The following CCDC85C variants were observed in gnomAD, a reference collection of about 807,000 sequenced individuals.
CCDC85C encodes the protein coiled-coil domain-containing protein 85C.
In CCDC85C, 18 loss-of-function variants were observed where a neutral mutation model predicts 38.3. The ratio of observed to expected loss-of-function variants is 0.47; its 90% confidence interval spans 0.33 to 0.70. CCDC85C has a LOEUF of 0.70. Ranked by LOEUF, CCDC85C falls within the 30% of genes least tolerant of loss-of-function variation. The pLI, the probability that CCDC85C is intolerant of heterozygous loss-of-function variation, is 0.03. For synonymous variants in CCDC85C, 264 were observed against 293.8 expected (o/e 0.90, Z 1.04); for missense variants, 566 against 621.2 (o/e 0.91, Z 0.94).
Position 99,502,698 on chromosome 14 carries a change from T to A in CCDC85C, c.*12548A>T. On this transcript the variant is annotated 3_prime_UTR_variant, in exon 6 of 6. Transcript: ENST00000380243. ...TTAAAATACCAATTTGTGTAAAATG[T>A]AATTGTTGGCTATCATTTAGACATC... 1 of 1,606,240 alleles carries A rather than the reference T, an allele frequency of 6.2e-7. No individual in the cohort carries two copies. Among genetic ancestry groups the A allele is most frequent in the Non-Finnish European group, 8.5e-7 (1 of 1,173,052 alleles).
chr14:99,592,547 G>C (rs866269253), intron 1 of CCDC85C, among the ~76,000 whole-genome samples: 2 of 152,208 alleles, frequency 1.3e-5, no homozygotes, highest in African/African-American at 4.8e-5. Flanking sequence ...CATTCTGGAA[G>C]ACAATCCCAG....
At chr14:99,574,349 T>C (rs1227794158) in intron 1 of CCDC85C, among the ~76,000 whole-genome samples, 2 of 152,032 alleles carry the variant, frequency 1.3e-5, no homozygotes, top group East Asian at 3.9e-4. Flanking sequence ...CCTTCCTGGA[T>C]TGGAAGACAC....
Position 99,509,196 on chromosome 14 carries a change from T to A in CCDC85C, c.*6050A>T, listed in dbSNP as rs1897050659. 1.3e-5 allele frequency: 2 copies of A among 152,286 alleles called. No individual in the cohort carries two copies. The highest frequency in any genetic ancestry group is 2.1e-4 in the South Asian group (1 of 4,830). 9.4% of individuals were successfully genotyped at this position (152,286 alleles called of 1,614,324 possible). ...AACCAGAAGCATCTTCGTGGCTTTG[T>A]CCTCTCTATGTTCTCTGGAACCAGA... is the stretch of plus-strand genomic sequence containing the variant. On this transcript the variant is annotated 3_prime_UTR_variant, in exon 6 of 6. Transcript: ENST00000380243.
rs1227456180 is a variant in CCDC85C at position 99,548,901 on chromosome 14, G to A, written c.794-12813C>T. Among the ~76,000 whole-genome samples, 2 of 152,198 alleles carry A rather than the reference G, an allele frequency of 1.3e-5. No homozygotes were observed. Among genetic ancestry groups the A allele is most frequent in the East Asian group, 1.9e-4 (1 of 5,192 alleles). On this transcript the variant is annotated intron_variant, in intron 1 of 5. Coordinates refer to ENST00000380243, the MANE Select transcript of CCDC85C (RefSeq NM_001144995.2). This position sits in a 1 kb window ranked among gnomAD's most constrained non-coding sequence, Gnocchi z 4.9. Reference sequence around the variant, plus strand: ...CAAGTCACTGAGGGACACACAGTGCGATGCCATTTCTACAAAGTCTGAAAA... The same window carrying A: ...CAAGTCACTGAGGGACACACAGTGCAATGCCATTTCTACAAAGTCTGAAAA...
At position 99,548,336 on chromosome 14, in the gene CCDC85C, C is replaced by G. The variant is rs1175677557; in HGVS notation, c.794-12248G>C. 6.6e-6 allele frequency among the ~76,000 whole-genome samples: 1 copy of G among 152,138 alleles called. No individual in the cohort carries two copies. The highest frequency in any genetic ancestry group is 1.5e-5 in the Non-Finnish European group (1 of 68,020). Reference sequence around the variant, plus strand: ...AACCGCAGGTGTCATCAAGGAAACCCAATTCCGACAATGAGATGCCACTGG... The same window carrying G: ...AACCGCAGGTGTCATCAAGGAAACCGAATTCCGACAATGAGATGCCACTGG... On this transcript the variant is annotated intron_variant, in intron 1 of 5. Coordinates refer to ENST00000380243, the MANE Select transcript of CCDC85C (RefSeq NM_001144995.2). This position sits in a 1 kb window ranked among gnomAD's most constrained non-coding sequence, Gnocchi z 4.9.
At chr14:99,526,562 C>T (rs1897388239) in intron 2 of CCDC85C, among the ~76,000 whole-genome samples, 1 of 152,056 alleles carries the variant, frequency 6.6e-6, no homozygotes, top group Non-Finnish European at 1.5e-5. Flanking sequence ...CAGTGACCAC[C>T]CCGTCCCCAA....
At chr14:99,591,896 A>G (rs1170314100) in intron 1 of CCDC85C, among the ~76,000 whole-genome samples, 1 of 152,024 alleles carries the variant, frequency 6.6e-6, no homozygotes, top group African/African-American at 2.4e-5. Context: ...CACCATGCCC[A>G]GCTAATTTTG....
At chr14:99,518,996 C>T (rs1897267858) in intron 3 of CCDC85C, among the ~76,000 whole-genome samples, 1 of 151,976 alleles carries the variant, frequency 6.6e-6, no homozygotes. Flanking sequence ...TCGGGCCACA[C>T]ACACCTCCCA....
chr14:99,518,724 C>A (rs1349555362), intron 3 of CCDC85C, among the ~76,000 whole-genome samples: 1 of 152,058 alleles, frequency 6.6e-6, no homozygotes, highest in African/African-American at 2.4e-5. Flanking sequence ...CTGCACCAGG[C>A]CCCTGGGCTG....
At chr14:99,562,224 C>T (rs987510249) in intron 1 of CCDC85C, among the ~76,000 whole-genome samples, 1 of 152,182 alleles carries the variant, frequency 6.6e-6, no homozygotes. Flanking sequence ...CCTATGCAAA[C>T]CCCCTGGCTA....
intron 1 of CCDC85C, among the ~76,000 whole-genome samples, chr14:99,541,002 T>A (rs1266986234): frequency 6.6e-6 from 1 of 152,072 alleles, no homozygotes; most frequent in Non-Finnish European, 1.5e-5. Context: ...CCTGGCCTGG[T>A]TTTCACACTG....
intron 1 of CCDC85C, among the ~76,000 whole-genome samples, chr14:99,579,060 T>C (rs897782413): frequency 6.6e-6 from 1 of 152,204 alleles, no homozygotes; most frequent in Non-Finnish European, 1.5e-5. Context: ...GTGAGGAAAC[T>C]GAGGCACAGA....
At chr14:99,598,644 C>T (rs142586157) in intron 1 of CCDC85C, among the ~76,000 whole-genome samples, 12 of 152,324 alleles carry the variant, frequency 7.9e-5, no homozygotes, top group African/African-American at 2.9e-4. Context: ...TCCCCTGGAA[C>T]TCTCTGGGCA....
chr14:99,563,866 C>T (rs564858219), intron 1 of CCDC85C, among the ~76,000 whole-genome samples: 76 of 152,286 alleles, frequency 5.0e-4, no homozygotes, highest in Non-Finnish European at 7.8e-4. Flanking sequence ...CCTCTGAGCA[C>T]GGCCTCCAGG....
chr14:99,557,849 A>G (rs1351002184), intron 1 of CCDC85C, among the ~76,000 whole-genome samples: 1 of 152,200 alleles, frequency 6.6e-6, no homozygotes, highest in Non-Finnish European at 1.5e-5. Context: ...CAGGAGGCAG[A>G]GGTTGCAGTG....
chr14:99,545,935 C>T lies in CCDC85C; in HGVS notation c.794-9847G>A, dbSNP rs1897797779. On this transcript the variant is annotated intron_variant, in intron 1 of 5. Transcript: ENST00000380243. The surrounding 1 kb of genome is among the most constrained non-coding windows in gnomAD (Gnocchi z 4.7). ...CAATCATCCAACTCCCAGCCTCCAA[C>T]TCCGAGGGACCCTTTACCCTCCTGC... 6.6e-6 allele frequency among the ~76,000 whole-genome samples: 1 copy of T among 152,106 alleles called. No homozygotes were observed. The highest frequency in any genetic ancestry group is 6.5e-5 in the Admixed American group (1 of 15,272).
intron 1 of CCDC85C, among the ~76,000 whole-genome samples, chr14:99,542,546 AGGCAAAGT>A (rs1352933408): frequency 6.6e-6 from 1 of 152,168 alleles, no homozygotes; most frequent in Non-Finnish European, 1.5e-5. Context: ...AGGGTCAAGG[AGGCAAAGT>A]GGCAGCCACA....
In CCDC85C at chr14:99,507,104, T is replaced by C. The variant is rs1566753590; in HGVS notation, c.*8142A>G. ...CACCACCACCTAAAATCCCCAAAAT[T>C]GAGACCACTCATCCACCGTTGCCTC... On this transcript the variant is annotated 3_prime_UTR_variant, in exon 6 of 6. Transcript: ENST00000380243. 6.2e-7 allele frequency: 1 copy of C among 1,612,306 alleles called. No individual in the cohort carries two copies. The highest frequency in any genetic ancestry group is 8.5e-7 in the Non-Finnish European group (1 of 1,178,434).
At chr14:99,527,022 G>A (rs1022787753) in intron 2 of CCDC85C, among the ~76,000 whole-genome samples, 1 of 152,172 alleles carries the variant, frequency 6.6e-6, no homozygotes, top group African/African-American at 2.4e-5. Context: ...AAAGCAGGGA[G>A]GATGCAGGAC....
Sources: allele counts gnomAD v4.1 joint callset (sites outside exome capture counted in the v4.1 genomes callset), GRCh38; gene constraint gnomAD v4.1.1; non-coding constraint Gnocchi (gnomAD v3.1); transcripts MANE v1.5; gene names NCBI Gene and HGNC (gene_info 2026-07-23, HGNC 2026-07-21).